Variants in NTM observed in about 807,000 individuals in gnomAD.
The protein encoded by NTM is neurotrimin, also known as IgLON family member 2.
A neutral mutation model predicts 42.1 loss-of-function variants in NTM; 13 were observed. The ratio of observed to expected loss-of-function variants is 0.31; its 90% confidence interval spans 0.20 to 0.49. The LOEUF (loss-of-function observed/expected upper bound fraction) is 0.49. Ranked by LOEUF, NTM falls within the 20% of genes least tolerant of loss-of-function variation. The pLI, the probability that NTM is intolerant of heterozygous loss-of-function variation, is 0.99. For synonymous variants in NTM, 187 were observed against 179.2 expected (o/e 1.04, Z -0.35); for missense variants, 373 against 452.8 (o/e 0.82, Z 1.60).
chr11:131,627,175 G>T (rs988510368), intron 1 of NTM, among the ~76,000 whole-genome samples: 3 of 151,670 alleles, frequency 2.0e-5, no homozygotes, highest in Non-Finnish European at 4.4e-5. Context: ...GTTTCTTCTT[G>T]GTTGGAAATT....
At position 132,196,469 on chromosome 11, in the gene NTM, C is replaced by T. The variant is rs1340917016; in HGVS notation, c.401-15553C>T. ...TATACCACAAGGAAAAGAAATTGTCCCACTAAAAAAAAAATACACTCATAT... is the reference window on the plus strand; with the variant it reads ...TATACCACAAGGAAAAGAAATTGTCTCACTAAAAAAAAAATACACTCATAT... On this transcript the variant is annotated intron_variant, in intron 3 of 8. Coordinates refer to ENST00000683400, the MANE Select transcript of NTM (RefSeq NM_001352005.2). Among the ~76,000 whole-genome samples, 3 of 151,740 alleles carry T rather than the reference C, an allele frequency of 2.0e-5. No homozygotes were observed. In the East Asian group the frequency reaches 5.8e-4, roughly 29 times the overall value.
chr11:132,186,631 T>A (rs1231290192), intron 3 of NTM, among the ~76,000 whole-genome samples: 1 of 152,284 alleles, frequency 6.6e-6, no homozygotes, highest in East Asian at 1.9e-4. Context: ...GTCATGGCAT[T>A]GCAGCCATTC....
chr11:131,600,066 C>T (rs1376133657), intron 1 of NTM, among the ~76,000 whole-genome samples: 2 of 152,172 alleles, frequency 1.3e-5, no homozygotes, highest in East Asian at 1.9e-4. Flanking sequence ...AGTTGAGCCA[C>T]GTGGAGGAAC....
At chr11:131,425,345 A>G (rs529228965) in intron 1 of NTM, among the ~76,000 whole-genome samples, 1 of 152,268 alleles carries the variant, frequency 6.6e-6, no homozygotes, top group African/African-American at 2.4e-5. Flanking sequence ...GCGAGTTACA[A>G]ACCCTCACAC....
chr11:131,546,526 C>T (rs2053968492), intron 1 of NTM: 1 of 152,238 alleles, frequency 6.6e-6, no homozygotes, highest in East Asian at 1.9e-4. Context: ...TGTTCTGGGA[C>T]TCAGGAGGAC....
Position 132,169,320 on chromosome 11 carries a change from C to CTTTTTTTTTTTTTT in NTM, c.400+22825_400+22838dup, listed in dbSNP as rs567723794. ...GTGATATCTAGGTTTAATTTTTTTACTTTTTTTTTTTTTTTTTTTTTTTTT... is the reference window on the plus strand; with the variant it reads ...GTGATATCTAGGTTTAATTTTTTTACTTTTTTTTTTTTTTTTTTTTTTTTTTTTTTTTTTTTTTT... On this transcript the variant is annotated intron_variant, in intron 3 of 8. Coordinates refer to ENST00000683400, the MANE Select transcript of NTM (RefSeq NM_001352005.2). 7.5e-3 allele frequency among the ~76,000 whole-genome samples: 243 copies of CTTTTTTTTTTTTTT among 32,380 alleles called. 83 individuals carry two copies. Among genetic ancestry groups the CTTTTTTTTTTTTTT allele is most frequent in the Admixed American group, 9.3e-3 (14 of 1,512 alleles). The allele number at this position is 32,380 out of a possible 152,430, so 21.2% of individuals were successfully genotyped here. A position where few individuals can be genotyped will look rare whatever the true frequency, so the allele number is the denominator to read the frequency against.
At chr11:131,616,628 G>A (rs1565713771) in intron 1 of NTM, among the ~76,000 whole-genome samples, 1 of 152,118 alleles carries the variant, frequency 6.6e-6, no homozygotes, top group African/African-American at 2.4e-5. Context: ...TTTAACCCAA[G>A]ATGATGAGAT....
At chr11:131,545,965 T>A (rs2053885081) in intron 1 of NTM, among the ~76,000 whole-genome samples, 3 of 152,152 alleles carry the variant, frequency 2.0e-5, no homozygotes, top group Non-Finnish European at 2.9e-5. Context: ...AACCCAGCTG[T>A]TTATGGGTAG....
intron 2 of NTM, among the ~76,000 whole-genome samples, chr11:132,001,664 T>G (rs2069274636): frequency 6.6e-6 from 1 of 151,994 alleles, no homozygotes; most frequent in African/African-American, 2.4e-5. Context: ...TCTCCCCCCA[T>G]TACCCAAACA....
chr11:131,570,395 T>G (rs2057338499), intron 1 of NTM, among the ~76,000 whole-genome samples: 2 of 152,230 alleles, frequency 1.3e-5, no homozygotes, highest in African/African-American at 2.4e-5. Context: ...TCACAAATCC[T>G]AAAATTTTCT....
Position 132,146,306 on chromosome 11 carries a change from C to T in NTM, c.192C>T (p.Thr64=), listed in dbSNP as rs1281465834. The T allele has an allele frequency of 6.2e-7, 1 of 1,614,200 alleles. No homozygotes were observed. Among genetic ancestry groups the T allele is most frequent in the Non-Finnish European group, 8.5e-7 (1 of 1,180,024 alleles). ...GGTGCACTATTGACAACCGGGTCAC[C>T]CGGGTGGCCTGGCTAAACCGCAGCA... The part of the protein sequence containing the change: ...TLRCTIDNRV[T]RVAWLNRSTI... Residue 64 remains threonine, a synonymous_variant, in exon 3 of 9, where the codon ACC becomes ACT. Transcript: ENST00000683400. The surrounding 1 kb of genome is among the most constrained non-coding windows in gnomAD (Gnocchi z 4.5).
At chr11:132,009,705 A>T (rs2071662630) in intron 2 of NTM, among the ~76,000 whole-genome samples, 1 of 151,810 alleles carries the variant, frequency 6.6e-6, no homozygotes, top group Non-Finnish European at 1.5e-5. Context: ...CTTTTATTAA[A>T]CTCCTAGACC....
intron 1 of NTM, among the ~76,000 whole-genome samples, chr11:131,399,264 C>G (rs1057264278): frequency 1.2e-4 from 19 of 152,110 alleles, no homozygotes; most frequent in Non-Finnish European, 2.8e-4. Context: ...CTCTCCTGCC[C>G]TGAATTTACA....
chr11:132,039,003 G>A (rs968203642), intron 2 of NTM, among the ~76,000 whole-genome samples: 1 of 152,206 alleles, frequency 6.6e-6, no homozygotes, highest in East Asian at 1.9e-4. Flanking sequence ...CCGTGTCTGA[G>A]TGGTTATTTG....
intron 4 of NTM, among the ~76,000 whole-genome samples, chr11:132,297,556 C>A (rs185339769): frequency 1.7e-3 from 262 of 152,310 alleles, no homozygotes; most frequent in African/African-American, 6.1e-3. Context: ...AAAAAGAACT[C>A]CCCAGATCGA....
At chr11:131,596,440 C>G (rs1164242583) in intron 1 of NTM, among the ~76,000 whole-genome samples, 1 of 152,206 alleles carries the variant, frequency 6.6e-6, no homozygotes, top group Non-Finnish European at 1.5e-5. Flanking sequence ...AGTCAAATGT[C>G]ATTTACAAAA....
intron 1 of NTM, among the ~76,000 whole-genome samples, chr11:131,418,004 G>T (rs73022141): frequency 0.017 from 2,538 of 152,252 alleles, 63 homozygotes; most frequent in African/African-American, 0.055. Flanking sequence ...TGAGCTATTG[G>T]CAGTCAGAGA....
intron 2 of NTM, among the ~76,000 whole-genome samples, chr11:132,135,996 C>A (rs1396663284): frequency 1.3e-5 from 2 of 152,280 alleles, no homozygotes; most frequent in Admixed American, 6.5e-5. Flanking sequence ...ATCCAGTTAC[C>A]TTTTCTGCAC....
intron 1 of NTM, among the ~76,000 whole-genome samples, chr11:131,595,031 A>G (rs998367990): frequency 6.6e-6 from 1 of 152,232 alleles, no homozygotes; most frequent in Admixed American, 6.5e-5. Context: ...CATATAATGT[A>G]TGCAGAATGC....
Sources: allele counts gnomAD v4.1 joint callset (sites outside exome capture counted in the v4.1 genomes callset), GRCh38; gene constraint gnomAD v4.1.1; non-coding constraint Gnocchi (gnomAD v3.1); transcripts MANE v1.5; gene names NCBI Gene and HGNC (gene_info 2026-07-23, HGNC 2026-07-21).